Variants in EPHA6 observed in about 807,000 individuals in gnomAD.
EPHA6 encodes the protein ephrin type-A receptor 6.
In EPHA6, 50 loss-of-function variants were observed where a neutral mutation model predicts 112.0. The observed-to-expected ratio is 0.45, with a 90% CI of 0.36 to 0.56. The LOEUF is 0.56. Ranked by LOEUF, EPHA6 falls within the 20% of genes least tolerant of loss-of-function variation. EPHA6 has a pLI of 0.00. For synonymous variants in EPHA6, 529 were observed against 490.7 expected (o/e 1.08, Z -1.03); for missense variants, 1,280 against 1,417.4 (o/e 0.90, Z 1.56).
intron 2 of EPHA6, among the ~76,000 whole-genome samples, chr3:96,964,729 A>T (rs1427113924): frequency 6.6e-6 from 1 of 152,156 alleles, no homozygotes; most frequent in Admixed American, 6.6e-5. Flanking sequence ...TTCCAGTTAT[A>T]GACTTGCTAA....
At chr3:96,949,870 C>CT (rs1271129933) in intron 2 of EPHA6, among the ~76,000 whole-genome samples, 1 of 152,104 alleles carries the variant, frequency 6.6e-6, no homozygotes, top group African/African-American at 2.4e-5. Context: ...GTAGCCCAGA[C>CT]TTTTTCCTGA....
intron 16 of EPHA6, among the ~76,000 whole-genome samples, chr3:97,741,028 G>A (rs1240011939): frequency 3.3e-5 from 5 of 152,042 alleles, no homozygotes; most frequent in Non-Finnish European, 7.4e-5. Flanking sequence ...TGGATCAGGA[G>A]ATTTGAAACT....
intron 3 of EPHA6, among the ~76,000 whole-genome samples, chr3:97,192,574 G>A (rs2077335626): frequency 6.6e-6 from 1 of 151,998 alleles, no homozygotes; most frequent in Admixed American, 6.6e-5. Flanking sequence ...TATTCTGTGG[G>A]TTGTCTCTTC....
At chr3:96,909,073 A>G (rs1294301030) in intron 2 of EPHA6, among the ~76,000 whole-genome samples, 1 of 152,026 alleles carries the variant, frequency 6.6e-6, no homozygotes, top group South Asian at 2.1e-4. Flanking sequence ...GATGTAGACA[A>G]ATAGATCCAT....
chr3:97,264,647 A>T (rs547340828), intron 5 of EPHA6, among the ~76,000 whole-genome samples: 2 of 152,358 alleles, frequency 1.3e-5, no homozygotes, highest in Admixed American at 1.3e-4. Flanking sequence ...CAGCATTTTT[A>T]GCCTCGCCAT....
At chr3:97,547,959 G>A (rs552553042) in intron 11 of EPHA6, among the ~76,000 whole-genome samples, 44 of 152,266 alleles carry the variant, frequency 2.9e-4, no homozygotes, top group African/African-American at 7.2e-4. Context: ...TCCAGGTGCC[G>A]TTTGTCACCC....
At chr3:96,910,607 A>T (rs947647411) in intron 2 of EPHA6, among the ~76,000 whole-genome samples, 1 of 151,840 alleles carries the variant, frequency 6.6e-6, no homozygotes, top group African/African-American at 2.4e-5. Context: ...CTTTTTTCCT[A>T]TTCCTTGAAC....
chr3:97,711,678 C>T (rs1005420400), intron 14 of EPHA6, among the ~76,000 whole-genome samples: 1 of 152,244 alleles, frequency 6.6e-6, no homozygotes, highest in Non-Finnish European at 1.5e-5. Flanking sequence ...ACTCTTCCTC[C>T]ACTCTTTTGT....
At chr3:97,260,307 G>A (rs2079459683) in intron 5 of EPHA6, among the ~76,000 whole-genome samples, 1 of 152,144 alleles carries the variant, frequency 6.6e-6, no homozygotes, top group Non-Finnish European at 1.5e-5. Flanking sequence ...TGCACAATTT[G>A]TTTCTGTCAG....
intron 2 of EPHA6, among the ~76,000 whole-genome samples, chr3:96,936,204 C>A (rs1270528994): frequency 1.3e-5 from 2 of 152,056 alleles, no homozygotes; most frequent in Non-Finnish European, 2.9e-5. Context: ...GGCAATACGT[C>A]ATTTTAGGCC....
intron 3 of EPHA6, among the ~76,000 whole-genome samples, chr3:97,062,052 G>A (rs1266374451): frequency 6.6e-6 from 1 of 152,174 alleles, no homozygotes; most frequent in Non-Finnish European, 1.5e-5. Flanking sequence ...TGACTATATA[G>A]CTTCATTGTA....
intron 1 of EPHA6, among the ~76,000 whole-genome samples, chr3:96,850,635 G>T (rs2035326047): frequency 6.6e-6 from 1 of 152,134 alleles, no homozygotes; most frequent in South Asian, 2.1e-4. Context: ...ATTATGAACA[G>T]AATCTGAAGA....
At chr3:97,409,449 A>G (rs1447128365) in intron 6 of EPHA6, among the ~76,000 whole-genome samples, 1 of 152,092 alleles carries the variant, frequency 6.6e-6, no homozygotes, top group Non-Finnish European at 1.5e-5. Flanking sequence ...TAAGGCACAA[A>G]AAGGTTAAGT....
chr3:96,922,845 C>T (rs909368078), intron 2 of EPHA6, among the ~76,000 whole-genome samples: 6 of 152,056 alleles, frequency 3.9e-5, no homozygotes, highest in Non-Finnish European at 8.8e-5. Flanking sequence ...GTTGTTTCAC[C>T]GCAAGTTTCC....
chr3:97,078,213 T>C (rs1189887193), intron 3 of EPHA6, among the ~76,000 whole-genome samples: 1 of 152,216 alleles, frequency 6.6e-6, no homozygotes, highest in Admixed American at 6.5e-5. Flanking sequence ...TGTCTGTTCA[T>C]ATCCTTTGCC....
At chr3:97,153,978 C>T (rs778578661) in intron 3 of EPHA6, among the ~76,000 whole-genome samples, 38 of 151,970 alleles carry the variant, frequency 2.5e-4, no homozygotes, top group Admixed American at 3.9e-4. Context: ...CCAGCCTGCC[C>T]AACATGGCGA....
In EPHA6 at chr3:97,046,082, CTT is replaced by C. The variant is rs1181101900; in HGVS notation, c.1114+58090_1114+58091del. Among the ~76,000 whole-genome samples, 10 of 152,170 alleles carry C rather than the reference CTT, an allele frequency of 6.6e-5. No individual in the cohort carries two copies. In the East Asian group the frequency reaches 1.9e-3, roughly 29 times the overall value. On this transcript the variant is annotated intron_variant, in intron 3 of 17. Transcript: ENST00000389672. ...TTAGAAAAAGAGAGATTCTTCCTAA[CTT>C]ATACAGCTAATAAGCTTAACACCTA...
chr3:97,369,475 G>T (rs2084927391), intron 5 of EPHA6, among the ~76,000 whole-genome samples: 1 of 152,134 alleles, frequency 6.6e-6, no homozygotes, highest in Admixed American at 6.5e-5. Context: ...ATAAAATGTA[G>T]GAGTCCTAGT....
At chr3:97,136,832 C>T (rs926326851) in intron 3 of EPHA6, among the ~76,000 whole-genome samples, 3 of 152,026 alleles carry the variant, frequency 2.0e-5, no homozygotes, top group African/African-American at 7.2e-5. Context: ...ATAAAGATAC[C>T]TTCATATAAA....
Sources: allele counts gnomAD v4.1 joint callset (sites outside exome capture counted in the v4.1 genomes callset), GRCh38; gene constraint gnomAD v4.1.1; transcripts MANE v1.5; gene names NCBI Gene and HGNC (gene_info 2026-07-23, HGNC 2026-07-21).